Variants in SLC44A5 observed in about 807,000 individuals in gnomAD.
SLC44A5 encodes the protein choline transporter-like protein 5.
SLC44A5 carries 57 observed loss-of-function variants against 101.8 expected under a neutral mutation model. That is an observed-to-expected ratio of 0.56 (90% CI 0.45 to 0.70). SLC44A5 has a LOEUF of 0.70. Among genes scored for constraint, SLC44A5 ranks in the 30% least tolerant of loss-of-function variants. The pLI is 0.00. For synonymous variants in SLC44A5, 281 were observed against 290.9 expected (o/e 0.97, Z 0.35); for missense variants, 737 against 853.1 (o/e 0.86, Z 1.70).
chr1:75,634,799 C>T, the SLC44A5 span, among the ~76,000 whole-genome samples: 2 of 152,158 alleles, frequency 1.3e-5, no homozygotes, highest in East Asian at 1.9e-4. Flanking sequence ...CAACAAAAGA[C>T]AAAATTGATA....
At chr1:75,214,522 C>T (rs1368208485) in intron 20 of SLC44A5, 83 bp downstream of exon 20, 8 of 1,033,632 alleles carry the variant, frequency 7.7e-6, no homozygotes, top group Non-Finnish European at 1.1e-5. Flanking sequence ...ATGCCACCAA[C>T]ACTTTAAATA....
chr1:75,625,253 C>G, the SLC44A5 span, among the ~76,000 whole-genome samples: 4 of 152,050 alleles, frequency 2.6e-5, no homozygotes, highest in African/African-American at 9.7e-5. Context: ...CTAAATTTTC[C>G]TTTTGGTTTA....
Position 75,317,302 on chromosome 1 carries a change from C to T in SLC44A5, c.102-16617G>A, listed in dbSNP as rs779865144. Reference sequence around the variant, plus strand: ...ACTTAAGAAGGACTTAAACCAGGACCGAGGCTCTGCCTCAGCCAGTTTCCC... The same window carrying T: ...ACTTAAGAAGGACTTAAACCAGGACTGAGGCTCTGCCTCAGCCAGTTTCCC... On this transcript the variant is annotated intron_variant, in intron 4 of 23. Coordinates refer to ENST00000370859, the MANE Select transcript of SLC44A5 (RefSeq NM_001130058.2). Among the ~76,000 whole-genome samples, 6 of 152,114 alleles carry T rather than the reference C, an allele frequency of 3.9e-5. No homozygotes were observed. The South Asian group carries it at 8.3e-4, about 21-fold the overall frequency.
intron 1 of SLC44A5, among the ~76,000 whole-genome samples, chr1:75,594,551 T>C (rs897788627): frequency 3.3e-5 from 5 of 152,028 alleles, no homozygotes; most frequent in Admixed American, 3.3e-4. Flanking sequence ...TATCAGTATG[T>C]CAACTGTAAA....
chr1:75,531,632 C>A (rs1670725278), intron 2 of SLC44A5, among the ~76,000 whole-genome samples: 1 of 152,188 alleles, frequency 6.6e-6, no homozygotes. Flanking sequence ...GTCCGTGTCA[C>A]ACTTTGACAA....
At chr1:75,715,758 G>A in the SLC44A5 span, among the ~76,000 whole-genome samples, 3 of 152,142 alleles carry the variant, frequency 2.0e-5, no homozygotes, top group East Asian at 3.9e-4. Context: ...TGACAAAGAC[G>A]ACAAAAACAA....
intron 4 of SLC44A5, among the ~76,000 whole-genome samples, chr1:75,302,851 G>A (rs1490201580): frequency 1.3e-5 from 2 of 152,180 alleles, no homozygotes; most frequent in Admixed American, 1.3e-4. Context: ...CGTGGATACA[G>A]TGGACAAAGA....
At chr1:75,671,493 C>T in the SLC44A5 span, among the ~76,000 whole-genome samples, 1 of 152,056 alleles carries the variant, frequency 6.6e-6, no homozygotes, top group Non-Finnish European at 1.5e-5. Flanking sequence ...TAAATAGATG[C>T]CATGAGGAAA....
chr1:75,389,884 T>G (rs1243714774), intron 3 of SLC44A5, among the ~76,000 whole-genome samples: 1 of 152,006 alleles, frequency 6.6e-6, no homozygotes, highest in African/African-American at 2.4e-5. Flanking sequence ...AAATTGGTTC[T>G]TTGAAAGGAG....
At chr1:75,657,786 T>C in the SLC44A5 span, among the ~76,000 whole-genome samples, 1 of 151,956 alleles carries the variant, frequency 6.6e-6, no homozygotes, top group Non-Finnish European at 1.5e-5. Flanking sequence ...TAAACATTAA[T>C]AGATCAAAAG....
intron 2 of SLC44A5, among the ~76,000 whole-genome samples, chr1:75,505,574 T>C (rs774331650): frequency 1.3e-5 from 2 of 152,204 alleles, no homozygotes; most frequent in African/African-American, 2.4e-5. Flanking sequence ...TATTTCATTA[T>C]GGGTTTGATT....
intron 2 of SLC44A5, among the ~76,000 whole-genome samples, chr1:75,436,691 A>G (rs1019968933): frequency 9.2e-5 from 14 of 152,170 alleles, no homozygotes; most frequent in Admixed American, 8.5e-4. Context: ...AATTAACCTT[A>G]GCTTACTAAT....
chr1:75,346,581 T>C (rs898016224), intron 3 of SLC44A5, among the ~76,000 whole-genome samples: 3 of 152,192 alleles, frequency 2.0e-5, no homozygotes, highest in Non-Finnish European at 2.9e-5. Flanking sequence ...ATTTGTGCTA[T>C]AGAACAGCCA....
intron 1 of SLC44A5, among the ~76,000 whole-genome samples, chr1:75,543,614 CACACATATATATACGTATATAT>C (rs1362796739): frequency 1.2e-4 from 18 of 146,612 alleles, no homozygotes; most frequent in South Asian, 4.2e-4. Context: ...TATATACACA[CACACATATATATACGTATATAT>C]ACACATATAT....
chr1:75,299,097 A>C (rs1654216466), intron 5 of SLC44A5, among the ~76,000 whole-genome samples: 1 of 152,230 alleles, frequency 6.6e-6, no homozygotes, highest in Non-Finnish European at 1.5e-5. Flanking sequence ...TGTGTCCCAA[A>C]GTGAGAGAAA....
intron 4 of SLC44A5, among the ~76,000 whole-genome samples, chr1:75,321,206 G>A (rs1273236751): frequency 6.6e-6 from 1 of 152,102 alleles, no homozygotes; most frequent in African/African-American, 2.4e-5. Context: ...CAGTTCCAAA[G>A]CTGCTTCCAC....
the SLC44A5 span, among the ~76,000 whole-genome samples, chr1:75,659,747 G>A: frequency 1.8e-4 from 27 of 151,634 alleles, no homozygotes; most frequent in Middle Eastern, 3.4e-3. Context: ...TGGTGACAGA[G>A]TGAGACCCTG....
chr1:75,392,701 T>G (rs1280454812), intron 3 of SLC44A5, among the ~76,000 whole-genome samples: 3 of 152,138 alleles, frequency 2.0e-5, no homozygotes, highest in Non-Finnish European at 4.4e-5. Flanking sequence ...ACACCTGCAC[T>G]TGTATGTTTA....
At chr1:75,452,462 C>T (rs541056722) in intron 2 of SLC44A5, among the ~76,000 whole-genome samples, 1 of 152,166 alleles carries the variant, frequency 6.6e-6, no homozygotes, top group South Asian at 2.1e-4. Context: ...AAGTACAGAG[C>T]CCACAGACCC....
Sources: allele counts gnomAD v4.1 joint callset (sites outside exome capture counted in the v4.1 genomes callset), GRCh38; gene constraint gnomAD v4.1.1; transcripts MANE v1.5; gene names NCBI Gene and HGNC (gene_info 2026-07-23, HGNC 2026-07-21).